The following CNTN4 variants were observed in gnomAD, a reference collection of about 807,000 sequenced individuals.
CNTN4 encodes the protein contactin-4.
A neutral mutation model predicts 122.5 loss-of-function variants in CNTN4; 77 were observed. The observed-to-expected ratio is 0.63, with a 90% CI of 0.52 to 0.76. CNTN4 has a LOEUF of 0.76. CNTN4 is among the 30% of genes least tolerant of loss of function. CNTN4 has a pLI of 0.00. For missense variants in CNTN4, 1,256 were observed against 1,259.1 expected (o/e 1.00, Z 0.04); for synonymous variants, 512 against 447.0 (o/e 1.15, Z -1.83).
intron 13 of CNTN4, among the ~76,000 whole-genome samples, chr3:2,938,620 G>A (rs953696861): frequency 4.6e-5 from 7 of 152,082 alleles, no homozygotes; most frequent in South Asian, 2.1e-4. Flanking sequence ...TAAAGCTTTC[G>A]TTACCTCCCT....
At chr3:2,462,964 C>T (rs1380953109) in intron 3 of CNTN4, among the ~76,000 whole-genome samples, 7 of 152,130 alleles carry the variant, frequency 4.6e-5, no homozygotes, top group Non-Finnish European at 7.4e-5. Flanking sequence ...ATGTATTTCA[C>T]ACTTCCAGCA....
At chr3:2,244,735 A>G (rs1381260052) in intron 2 of CNTN4, among the ~76,000 whole-genome samples, 3 of 152,040 alleles carry the variant, frequency 2.0e-5, no homozygotes, top group Non-Finnish European at 4.4e-5. Flanking sequence ...AATAAAAGGA[A>G]AGGTTAAATA....
At chr3:2,199,022 C>T (rs1405493334) in intron 2 of CNTN4, among the ~76,000 whole-genome samples, 2 of 152,172 alleles carry the variant, frequency 1.3e-5, no homozygotes, top group Non-Finnish European at 2.9e-5. Flanking sequence ...CTTTCTGGGT[C>T]ATGCAGCCCA....
rs139548613 is a variant in CNTN4, at chr3:2,670,500, A to T, written c.56-65715A>T. ...GCCTATGTGTGTCTCTGCACGTGGG[A>T]TGGGTTTCCTAAATATAGCACACTG... On this transcript the variant is annotated intron_variant, in intron 4 of 24. Transcript: ENST00000418658. Among the ~76,000 whole-genome samples the T allele has an allele frequency of 3.9e-3, 598 of 151,960 alleles. 2 individuals carry two copies. The highest frequency in any genetic ancestry group is 4.6e-3 in the Non-Finnish European group (311 of 67,986).
At chr3:2,330,445 A>T (rs1474987158) in intron 2 of CNTN4, among the ~76,000 whole-genome samples, 1 of 152,144 alleles carries the variant, frequency 6.6e-6, no homozygotes, top group African/African-American at 2.4e-5. Context: ...GTCTTGGGCC[A>T]CCAGTCATTA....
chr3:2,876,578 T>C (rs764866580), intron 8 of CNTN4, among the ~76,000 whole-genome samples: 4 of 152,224 alleles, frequency 2.6e-5, no homozygotes, highest in African/African-American at 7.2e-5. Context: ...AAAAATCTTA[T>C]GGCACGCAAC....
chr3:2,706,049 CAT>C (rs1163078101), intron 4 of CNTN4, among the ~76,000 whole-genome samples: 2 of 141,726 alleles, frequency 1.4e-5, no homozygotes, highest in Non-Finnish European at 3.0e-5. Context: ...GACACACAAA[CAT>C]ATATATATAG....
intron 2 of CNTN4, among the ~76,000 whole-genome samples, chr3:2,167,989 C>G (rs575578410): frequency 4.6e-4 from 70 of 152,068 alleles, no homozygotes; most frequent in Non-Finnish European, 9.0e-4. Context: ...AATTTTAAAA[C>G]ATTAGCTGGG....
rs114839022 is a variant in CNTN4 at position 2,784,286 on chromosome 3, G to T, written c.359-35200G>T. On this transcript the variant is annotated intron_variant, in intron 6 of 24. Transcript: ENST00000418658. The stretch of plus-strand genomic sequence containing the variant: ...TGGAGCTCATGTGTTCTCCCTTACC[G>T]CCTATACTGTTTTGAAAACAATTTA... Among the ~76,000 whole-genome samples the T allele has an allele frequency of 3.3e-5, 5 of 152,212 alleles. No homozygotes were observed. The South Asian group carries it at 1.0e-3, about 32-fold the overall frequency.
chr3:3,055,723 C>A (rs751449998), intron 24 of CNTN4, among the ~76,000 whole-genome samples: 3 of 152,112 alleles, frequency 2.0e-5, no homozygotes, highest in African/African-American at 7.2e-5. Flanking sequence ...TAATACCTGG[C>A]CTTCATCCAG....
intron 4 of CNTN4, among the ~76,000 whole-genome samples, chr3:2,575,991 T>C (rs145940254): frequency 0.01 from 1,521 of 151,882 alleles, 15 homozygotes; most frequent in Middle Eastern, 0.027. Context: ...CATGCCACCA[T>C]GCCTGGCTAA....
intron 6 of CNTN4, among the ~76,000 whole-genome samples, chr3:2,769,786 C>T (rs750511287): frequency 6.6e-6 from 1 of 152,168 alleles, no homozygotes; most frequent in Admixed American, 6.5e-5. Context: ...TTCTTGCCTG[C>T]AGCACAGGCC....
At chr3:2,258,277 T>A (rs2040681690) in intron 2 of CNTN4, among the ~76,000 whole-genome samples, 1 of 152,184 alleles carries the variant, frequency 6.6e-6, no homozygotes, top group African/African-American at 2.4e-5. Flanking sequence ...CATTCTACTG[T>A]AAAGACACAT....
At chr3:2,861,262 G>A (rs948692871) in intron 7 of CNTN4, among the ~76,000 whole-genome samples, 2 of 152,060 alleles carry the variant, frequency 1.3e-5, no homozygotes, top group African/African-American at 2.4e-5. Context: ...ATGGACTTAT[G>A]CCATTTTTCC....
chr3:2,923,978 T>A (rs529220444), intron 12 of CNTN4, among the ~76,000 whole-genome samples: 1 of 152,300 alleles, frequency 6.6e-6, no homozygotes, highest in South Asian at 2.1e-4. Context: ...ACTTGCACTC[T>A]ACTTATTAAT....
chr3:2,757,936 T>C (rs1343493337), intron 6 of CNTN4, among the ~76,000 whole-genome samples: 1 of 152,206 alleles, frequency 6.6e-6, no homozygotes, highest in African/African-American at 2.4e-5. Flanking sequence ...CTAATTATGA[T>C]TAGAGTATTA....
chr3:2,447,397 T>C (rs2048665152), intron 3 of CNTN4, among the ~76,000 whole-genome samples: 1 of 152,170 alleles, frequency 6.6e-6, no homozygotes. Context: ...AATCATTAAG[T>C]TGATATCAGT....
intron 2 of CNTN4, among the ~76,000 whole-genome samples, chr3:2,224,872 C>G (rs956150245): frequency 6.6e-6 from 1 of 152,112 alleles, no homozygotes; most frequent in African/African-American, 2.4e-5. Flanking sequence ...AGGTTTGGGT[C>G]GGGCGCGGTG....
chr3:3,000,130 T>C (rs1695893301), intron 14 of CNTN4, among the ~76,000 whole-genome samples: 3 of 152,128 alleles, frequency 2.0e-5, no homozygotes, highest in Admixed American at 2.0e-4. Flanking sequence ...CAGGTTGTGA[T>C]AGGTCTTAGA....
Sources: allele counts gnomAD v4.1 joint callset (sites outside exome capture counted in the v4.1 genomes callset), GRCh38; gene constraint gnomAD v4.1.1; transcripts MANE v1.5; gene names NCBI Gene and HGNC (gene_info 2026-07-23, HGNC 2026-07-21).